SLIT3: variants seen among roughly 807,000 people sequenced by gnomAD.
SLIT3 encodes the protein slit guidance ligand 3.
A neutral mutation model predicts 184.0 loss-of-function variants in SLIT3; 68 were observed. The ratio of observed to expected loss-of-function variants is 0.37; its 90% confidence interval spans 0.30 to 0.45. SLIT3 has a LOEUF of 0.45. Ranked by LOEUF, SLIT3 falls within the 20% of genes least tolerant of loss-of-function variation. The pLI, the probability that SLIT3 is intolerant of heterozygous loss-of-function variation, is 1.00. For missense variants in SLIT3, 1,707 were observed against 2,026.0 expected (o/e 0.84, Z 3.02); for synonymous variants, 831 against 828.6 (o/e 1.00, Z -0.05).
chr5:168,967,896 C>T (rs989171618), intron 4 of SLIT3, among the ~76,000 whole-genome samples: 4 of 152,176 alleles, frequency 2.6e-5, no homozygotes, highest in Non-Finnish European at 5.9e-5. Context: ...AAGATGATGT[C>T]TGCACTCTCC....
At chr5:168,738,355 G>A (rs531011717) in intron 20 of SLIT3, among the ~76,000 whole-genome samples, 1 of 152,266 alleles carries the variant, frequency 6.6e-6, no homozygotes, top group South Asian at 2.1e-4. Flanking sequence ...AACCAGGAAT[G>A]CCCTTGATGA....
At chr5:168,799,103 G>T (rs1756675704) in intron 9 of SLIT3, among the ~76,000 whole-genome samples, 1 of 152,164 alleles carries the variant, frequency 6.6e-6, no homozygotes, top group Non-Finnish European at 1.5e-5. Context: ...TGCAAGCAAG[G>T]TTGGAAAGTG....
chr5:169,140,047 G>A lies in SLIT3; in HGVS notation c.413+53432C>T, dbSNP rs567532791. Among the ~76,000 whole-genome samples, 16 of 152,180 alleles carry A rather than the reference G, an allele frequency of 1.1e-4. No individual in the cohort carries two copies. The South Asian group carries it at 3.1e-3, about 30-fold the overall frequency. On this transcript the variant is annotated intron_variant, in intron 4 of 35. Transcript: ENST00000519560. ...AAATGGGTCCTTCTTCCTGGTGGAG[G>A]AATCTCTGCAGGGCCCTAGAACCAA...
Position 169,050,806 on chromosome 5 carries a change from C to T in SLIT3, c.413+142673G>A, listed in dbSNP as rs1030277807. 6.6e-5 allele frequency among the ~76,000 whole-genome samples: 10 copies of T among 152,072 alleles called. No homozygotes were observed. The South Asian group carries it at 1.5e-3, about 22-fold the overall frequency. ...ACATGGAAAGACGCCATAGGTATCA[C>T]GGCGAGATCACATTCCACCCTTCCA... is the stretch of plus-strand genomic sequence containing the variant. On this transcript the variant is annotated intron_variant, in intron 4 of 35. Coordinates refer to ENST00000519560, the MANE Select transcript of SLIT3 (RefSeq NM_003062.4).
intron 1 of SLIT3, among the ~76,000 whole-genome samples, chr5:169,258,813 C>T (rs78705993): frequency 0.017 from 2,584 of 152,206 alleles, 68 homozygotes; most frequent in African/African-American, 0.059. Flanking sequence ...GGCATTCCTG[C>T]AAAATTTTCT....
At chr5:169,055,151 G>A (rs1757951463) in intron 4 of SLIT3, among the ~76,000 whole-genome samples, 2 of 152,120 alleles carry the variant, frequency 1.3e-5, no homozygotes, top group African/African-American at 4.8e-5. Flanking sequence ...GAAAGGAGTA[G>A]CCCAGTCAAT....
At chr5:168,938,933 CA>C (rs1762248429) in intron 4 of SLIT3, among the ~76,000 whole-genome samples, 1 of 151,980 alleles carries the variant, frequency 6.6e-6, no homozygotes, top group Non-Finnish European at 1.5e-5. Context: ...CCAGCCTATA[CA>C]ATGATTATAT....
At position 168,678,239 on chromosome 5, in the gene SLIT3, G is replaced by C. The variant is rs577015657; in HGVS notation, c.3687-4908C>G. On this transcript the variant is annotated intron_variant, in intron 32 of 35. Transcript: ENST00000519560. ...GGCTGAAGCCAGTGTTTTTCAAACT[G>C]TGGATCCCTGGAGGTTCAGGGTAGG... Among the ~76,000 whole-genome samples, 13 of 152,318 alleles carry C rather than the reference G, an allele frequency of 8.5e-5. No individual in the cohort carries two copies. The East Asian group carries it at 1.5e-3, about 18-fold the overall frequency.
At chr5:168,775,286 C>T (rs1755704411) in intron 12 of SLIT3, among the ~76,000 whole-genome samples, 1 of 152,178 alleles carries the variant, frequency 6.6e-6, no homozygotes, top group South Asian at 2.1e-4. Context: ...GACCTGCCTG[C>T]CTTGGCCTCC....
chr5:168,701,345 C>T (rs965036961), intron 26 of SLIT3, among the ~76,000 whole-genome samples: 2 of 152,208 alleles, frequency 1.3e-5, no homozygotes, highest in African/African-American at 4.8e-5. Context: ...CTTGATTGAT[C>T]TGGAGTGGGG....
At chr5:168,697,245 C>T (rs547372708) in intron 27 of SLIT3, among the ~76,000 whole-genome samples, 3 of 152,150 alleles carry the variant, frequency 2.0e-5, no homozygotes, top group Non-Finnish European at 2.9e-5. Context: ...GTGAGGCCTT[C>T]GGGTCAACTT....
At chr5:169,028,099 A>G (rs1291266314) in intron 4 of SLIT3, among the ~76,000 whole-genome samples, 1 of 152,196 alleles carries the variant, frequency 6.6e-6, no homozygotes, top group Non-Finnish European at 1.5e-5. Context: ...CACAAAAGAC[A>G]GAAGTGTGGC....
chr5:169,137,227 A>T (rs189990594), intron 4 of SLIT3, among the ~76,000 whole-genome samples: 2 of 151,966 alleles, frequency 1.3e-5, no homozygotes, highest in East Asian at 3.9e-4. Context: ...TTACAAGGAC[A>T]TTTCCTCATT....
chr5:168,906,650 T>A (rs562764586), intron 4 of SLIT3, among the ~76,000 whole-genome samples: 7 of 152,144 alleles, frequency 4.6e-5, no homozygotes, highest in South Asian at 4.2e-4. Flanking sequence ...ATATATATAT[T>A]TTTTTCCGAA....
intron 4 of SLIT3, among the ~76,000 whole-genome samples, chr5:168,984,296 C>T (rs1003131140): frequency 3.9e-5 from 6 of 152,062 alleles, no homozygotes. Context: ...TGGCTGGGCC[C>T]GTCGGTGCCT....
intron 4 of SLIT3, among the ~76,000 whole-genome samples, chr5:169,000,285 G>A (rs1755659140): frequency 6.8e-6 from 1 of 147,414 alleles, no homozygotes; most frequent in Admixed American, 7.0e-5. Flanking sequence ...CCAGCTACTC[G>A]AAAGGCTGAG....
intron 12 of SLIT3, among the ~76,000 whole-genome samples, chr5:168,780,548 C>G (rs1332646950): frequency 6.6e-6 from 1 of 152,184 alleles, no homozygotes; most frequent in East Asian, 1.9e-4. Context: ...TATGAAGGCT[C>G]TTTGTTATTT....
At chr5:169,046,140 AG>A (rs1757615588) in intron 4 of SLIT3, among the ~76,000 whole-genome samples, 1 of 152,116 alleles carries the variant, frequency 6.6e-6, no homozygotes, top group African/African-American at 2.4e-5. Context: ...ACCCCCCAAA[AG>A]GTGCCTTATT....
intron 3 of SLIT3, among the ~76,000 whole-genome samples, chr5:169,224,834 C>T (rs1033485639): frequency 1.3e-5 from 2 of 151,996 alleles, no homozygotes; most frequent in Admixed American, 6.6e-5. Context: ...CTACAGGTGC[C>T]GGCAACCATG....
Sources: allele counts gnomAD v4.1 joint callset (sites outside exome capture counted in the v4.1 genomes callset), GRCh38; gene constraint gnomAD v4.1.1; transcripts MANE v1.5; gene names NCBI Gene and HGNC (gene_info 2026-07-23, HGNC 2026-07-21).